Variants in PSMC3 observed in about 807,000 individuals in gnomAD.
The protein encoded by PSMC3 is 26S proteasome regulatory subunit 6A.
Under a neutral mutation model 52.0 loss-of-function variants are expected in PSMC3, and 11 were observed. That is an observed-to-expected ratio of 0.21 (90% CI 0.13 to 0.35). The LOEUF (loss-of-function observed/expected upper bound fraction) is 0.35, where lower values mean the gene tolerates loss of function less well. Among genes scored for constraint, PSMC3 ranks in the 10% least tolerant of loss-of-function variants. The pLI is 1.00. For synonymous variants in PSMC3, 201 were observed against 218.8 expected (o/e 0.92, Z 0.72); for missense variants, 238 against 567.1 (o/e 0.42, Z 5.89).
At chr11:47,419,345 C>T (rs1316079415) in intron 10 of PSMC3, 148 bp from the exon 11 acceptor site, 1 of 768,228 alleles carries the variant, frequency 1.3e-6, no homozygotes, top group Non-Finnish European at 2.2e-6. Flanking sequence ...TTGTTTTCTT[C>T]TCAGTACAAG....
rs1442403788 is a variant in PSMC3 at position 47,420,732 on chromosome 11, G to A, written c.885-5C>T. 6 of 1,555,292 alleles carry A rather than the reference G, an allele frequency of 3.9e-6. No individual in the cohort carries two copies. Among genetic ancestry groups the A allele is most frequent in the Non-Finnish European group, 5.2e-6 (6 of 1,149,056 alleles). On this transcript the variant is annotated splice_polypyrimidine_tract_variant and splice_region_variant and intron_variant, in intron 8 of 11. Coordinates refer to ENST00000298852, the MANE Select transcript of PSMC3 (RefSeq NM_002804.5). The stretch of plus-strand genomic sequence containing the variant: ...CCAGCCTTCTCACTGTCAAAGCTAG[G>A]GCACAGGAAGCCCGAGATGCTGGTG...
Position 47,422,464 on chromosome 11 carries a change from G to T in PSMC3, c.884+110C>A. ...AAGAGTTGAGGAGCCACCATCCAGGGGCAGGAGGGGATACAGGGTGGGAAG... is the reference window on the plus strand; with the variant it reads ...AAGAGTTGAGGAGCCACCATCCAGGTGCAGGAGGGGATACAGGGTGGGAAG... On this transcript the variant is annotated intron_variant, in intron 8 of 11. Coordinates refer to ENST00000298852, the MANE Select transcript of PSMC3 (RefSeq NM_002804.5). The surrounding 1 kb of genome is among the most constrained non-coding windows in gnomAD (Gnocchi z 4.3). The T allele has an allele frequency of 7.5e-7, 1 of 1,339,346 alleles. No individual in the cohort carries two copies. Among genetic ancestry groups the T allele is most frequent in the Non-Finnish European group, 1.0e-6 (1 of 967,062 alleles). 83.0% of individuals were successfully genotyped at this position (1,339,346 alleles called of 1,614,324 possible). A position where few individuals can be genotyped will look rare whatever the true frequency, so the allele number is the denominator to read the frequency against.
rs187473185 is a variant in PSMC3, at chr11:47,422,396, G to C, written c.884+178C>G. On this transcript the variant is annotated intron_variant, in intron 8 of 11. Transcript: ENST00000298852. This position sits in a 1 kb window ranked among gnomAD's most constrained non-coding sequence, Gnocchi z 4.3. Reference sequence around the variant, plus strand: ...GCAGCTGTGGGAATGAATGGCTGGGGAAACAGGGAGGCTATTGATCAGGAG... The same window carrying C: ...GCAGCTGTGGGAATGAATGGCTGGGCAAACAGGGAGGCTATTGATCAGGAG... Among the ~76,000 whole-genome samples, 611 of 152,284 alleles carry C rather than the reference G, an allele frequency of 4.0e-3. 2 individuals are homozygous for C. The highest frequency in any genetic ancestry group is 6.6e-3 in the Admixed American group (101 of 15,288).
At chr11:47,426,023 C>T in intron 1 of PSMC3, 73 bp from the exon 2 acceptor site, 1 of 1,473,312 alleles carries the variant, frequency 6.8e-7, no homozygotes, top group Non-Finnish European at 9.4e-7. Context: ...TCCGAACCCA[C>T]TCACAGCCTC....
intron 3 of PSMC3, 27 bp downstream of exon 3, chr11:47,425,088 ACTCCCT>A: frequency 6.2e-7 from 1 of 1,612,158 alleles, no homozygotes; most frequent in Non-Finnish European, 8.5e-7. Context: ...TTCCCTGCTG[ACTCCCT>A]CTCTTCCCCT....
chr11:47,420,491 C>G (rs902169199), intron 9 of PSMC3, 82 bp from the exon 10 acceptor site: 6 of 1,548,054 alleles, frequency 3.9e-6, no homozygotes, highest in Middle Eastern at 1.7e-4. Context: ...GAGAGGCAGC[C>G]CCCAGAGTGC....
chr11:47,421,340 CT>C (rs2096040238), intron 8 of PSMC3, among the ~76,000 whole-genome samples: 2 of 150,516 alleles, frequency 1.3e-5, no homozygotes. Context: ...TGAGCTAACG[CT>C]TAAAAACACA....
At position 47,422,356 on chromosome 11, in the gene PSMC3, G is replaced by T. The variant is rs1422322571; in HGVS notation, c.884+218C>A. On this transcript the variant is annotated intron_variant, in intron 8 of 11. Transcript: ENST00000298852. This position sits in a 1 kb window ranked among gnomAD's most constrained non-coding sequence, Gnocchi z 4.3. ...CGTGCCCGGCCCAGATTCCTGTTTT[G>T]AAAGGAACATGCTGGCAGCTGTGGG... 6.6e-6 allele frequency among the ~76,000 whole-genome samples: 1 copy of T among 152,062 alleles called. No individual in the cohort carries two copies. Among genetic ancestry groups the T allele is most frequent in the Admixed American group, 6.6e-5 (1 of 15,254 alleles).
intron 2 of PSMC3, 97 bp downstream of exon 2, chr11:47,425,770 C>T: frequency 9.3e-7 from 1 of 1,075,720 alleles, no homozygotes; most frequent in Non-Finnish European, 1.4e-6. Context: ...CCCATGTCTC[C>T]CCCAGGGTGC....
chr11:47,421,911 C>T (rs2096041036), intron 8 of PSMC3, among the ~76,000 whole-genome samples: 1 of 152,082 alleles, frequency 6.6e-6, no homozygotes, highest in East Asian at 1.9e-4. Flanking sequence ...CTCAGCCTTC[C>T]AAAGTGTAGG....
At chr11:47,421,813 C>T (rs113179434) in intron 8 of PSMC3, among the ~76,000 whole-genome samples, 2,872 of 152,026 alleles carry the variant, frequency 0.019, 55 homozygotes, top group African/African-American at 0.054. Flanking sequence ...CCACCACACC[C>T]GGCTAATTTT....
chr11:47,424,182 C>A lies in PSMC3; in HGVS notation c.455G>T (p.Gly152Val). 6.2e-7 allele frequency: 1 copy of A among 1,614,222 alleles called. No homozygotes were observed. The highest frequency in any genetic ancestry group is 2.2e-5 in the East Asian group (1 of 44,886). ...AEKLKPGDLV[G>V]VNKDSYLILE... The stretch of plus-strand genomic sequence containing the variant: ...GATCAGATAGGAGTCTTTGTTCACA[C>A]CCTAAGGACACAGCACAGGGCCTTC... Residue 152 changes from glycine to valine, a missense_variant and splice_region_variant, in exon 6 of 12, where the codon GGT becomes GTT. Gly to Val is a moderately radical substitution (Grantham distance 109). This residue lies in a region of PSMC3 where 60 missense variants were observed against 117.3 expected (regional missense o/e 0.51). Coordinates refer to ENST00000298852, the MANE Select transcript of PSMC3 (RefSeq NM_002804.5). The surrounding 1 kb of genome is among the most constrained non-coding windows in gnomAD (Gnocchi z 4.8).
rs552589183 is a variant in PSMC3 at position 47,424,783 on chromosome 11, C to G, written c.286-72G>C. The G allele has an allele frequency of 2.2e-6, 3 of 1,339,140 alleles. No individual in the cohort carries two copies. The African/African-American group carries it at 4.3e-5, about 19-fold the overall frequency. The allele number at this position is 1,339,140 out of a possible 1,614,324, so 83.0% of individuals were successfully genotyped here. On this transcript the variant is annotated intron_variant, in intron 3 of 11. Coordinates refer to ENST00000298852, the MANE Select transcript of PSMC3 (RefSeq NM_002804.5). This position sits in a 1 kb window ranked among gnomAD's most constrained non-coding sequence, Gnocchi z 4.8. ...TGCTTCCTAAGACAGTTCCTAATAC[C>G]TGCAGGGCTGGCCATCCTTACCTCC...
At chr11:47,420,531 A>C in intron 9 of PSMC3, 100 bp downstream of exon 9, 1 of 1,517,884 alleles carries the variant, frequency 6.6e-7, no homozygotes, top group Non-Finnish European at 9.0e-7. Flanking sequence ...TTAAAGACAG[A>C]TCCCAATTCT....
In PSMC3 at chr11:47,424,109, C is replaced by T. The variant is rs745407577; in HGVS notation, c.528G>A (p.Glu176=). The change falls in exon 6 of 12, where the codon GAG becomes GAA. Residue 176 remains glutamate (E), a synonymous_variant. Transcript: ENST00000298852. This position sits in a 1 kb window ranked among gnomAD's most constrained non-coding sequence, Gnocchi z 4.8. ...TEYDSRVKAM[E]VDERPTEQYS... ...ATTGCTCCGTGGGCCTCTCGTCTAC[C>T]TCCATGGCCTTCACCCGCGAGTCAT... is the stretch of plus-strand genomic sequence containing the variant. 23 of 1,614,090 alleles carry T rather than the reference C, an allele frequency of 1.4e-5. No individual in the cohort carries two copies. Among genetic ancestry groups the T allele is most frequent in the African/African-American group, 8.0e-5 (6 of 74,916 alleles).
chr11:47,424,301 G>C lies in PSMC3; in HGVS notation c.454-118C>G, dbSNP rs1441590909. On this transcript the variant is annotated intron_variant, in intron 5 of 11. Coordinates refer to ENST00000298852, the MANE Select transcript of PSMC3 (RefSeq NM_002804.5). The surrounding 1 kb of genome is among the most constrained non-coding windows in gnomAD (Gnocchi z 4.8). ...GACTGGGCAATACAAGAATCAAACA[G>C]CAAGTAGACAGAATCCCAGACTCTC... 6.4e-7 allele frequency: 1 copy of C among 1,556,386 alleles called. No individual in the cohort carries two copies. The highest frequency in any genetic ancestry group is 8.9e-7 in the Non-Finnish European group (1 of 1,128,808).
intron 8 of PSMC3, among the ~76,000 whole-genome samples, chr11:47,421,399 G>C (rs947824133): frequency 2.6e-5 from 4 of 152,076 alleles, no homozygotes; most frequent in Non-Finnish European, 5.9e-5. Context: ...AGCCCAGGCA[G>C]GCATCCCCCG....
chr11:47,422,796 C>G lies in PSMC3; in HGVS notation c.735+34G>C, dbSNP rs1256512433. ...CCATCTGGTAGAGTTTCTGCTCCTG[C>G]CCACTTCCCCCGCATCCCTCCCAAA... On this transcript the variant is annotated intron_variant, in intron 7 of 11. Transcript: ENST00000298852. This position sits in a 1 kb window ranked among gnomAD's most constrained non-coding sequence, Gnocchi z 4.3. 1.2e-6 allele frequency: 2 copies of G among 1,603,062 alleles called. No individual in the cohort carries two copies. The highest frequency in any genetic ancestry group is 1.7e-6 in the Non-Finnish European group (2 of 1,172,324).
chr11:47,425,840 T>A, intron 2 of PSMC3, 27 bp downstream of exon 2: 1 of 1,598,938 alleles, frequency 6.3e-7, no homozygotes, highest in Non-Finnish European at 8.6e-7. Context: ...GGGGGCTCCA[T>A]CGCCCGCACA....
Sources: gnomAD v4.1 joint callset for allele counts (sites outside exome capture counted in the v4.1 genomes callset) on GRCh38, gnomAD v4.1.1 for gene constraint, gnomAD v4.1.1 regional missense constraint, Gnocchi (gnomAD v3.1) non-coding constraint, MANE v1.5 for transcripts, NCBI Gene and HGNC (gene_info 2026-07-23, HGNC 2026-07-21) for gene names.